SLC14A2: variants seen among roughly 807,000 people sequenced by gnomAD.
SLC14A2 encodes the protein urea transporter 2.
A neutral mutation model predicts 104.6 loss-of-function variants in SLC14A2; 91 were observed. The observed-to-expected ratio is 0.87, with a 90% CI of 0.73 to 1.04. The LOEUF (loss-of-function observed/expected upper bound fraction) is 1.04, where lower values mean the gene tolerates loss of function less well. Ranked by LOEUF, SLC14A2 falls within the 50% of genes least tolerant of loss-of-function variation. SLC14A2 has a pLI of 0.00. For missense variants in SLC14A2, 1,189 were observed against 1,156.0 expected, an observed-to-expected ratio of 1.03 and a Z score of -0.41; for synonymous variants, 476 against 466.4, an observed-to-expected ratio of 1.02 and a Z score of -0.27.
intron 2 of SLC14A2, among the ~76,000 whole-genome samples, chr18:45,551,587 G>C (rs2044057091): frequency 6.6e-6 from 1 of 152,228 alleles, no homozygotes; most frequent in South Asian, 2.1e-4. Flanking sequence ...AAGGGGAAGT[G>C]AGATGTGTCA....
chr18:45,284,091 T>C (rs1435987338), intron 1 of SLC14A2, among the ~76,000 whole-genome samples: 1 of 152,248 alleles, frequency 6.6e-6, no homozygotes, highest in African/African-American at 2.4e-5. Flanking sequence ...TAAATGTGAC[T>C]GTAAAAAATT....
chr18:45,503,752 A>G (rs2043237028), intron 2 of SLC14A2, among the ~76,000 whole-genome samples: 1 of 144,922 alleles, frequency 6.9e-6, no homozygotes, highest in Non-Finnish European at 1.5e-5. Context: ...TGGCTTAAAA[A>G]TAAATCTCTC....
At chr18:45,258,906 C>T (rs1000438455) in intron 1 of SLC14A2, among the ~76,000 whole-genome samples, 5 of 152,192 alleles carry the variant, frequency 3.3e-5, no homozygotes, top group African/African-American at 1.2e-4. Flanking sequence ...CAAATCCAGG[C>T]CTTGCACTTC....
At chr18:45,411,791 A>G (rs1359175134) in intron 1 of SLC14A2, among the ~76,000 whole-genome samples, 1 of 152,114 alleles carries the variant, frequency 6.6e-6, no homozygotes, top group Non-Finnish European at 1.5e-5. Context: ...AGGAGCAGTT[A>G]ATATGGTGGT....
intron 2 of SLC14A2, among the ~76,000 whole-genome samples, chr18:45,567,404 T>C (rs2144326287): frequency 6.6e-6 from 1 of 152,286 alleles, no homozygotes; most frequent in South Asian, 2.1e-4. Context: ...GGACCCCGAC[T>C]GATAGAGAGC....
upstream of SLC14A2, among the ~76,000 whole-genome samples, chr18:45,610,523 A>C (rs545345351): frequency 2.0e-5 from 3 of 152,192 alleles, no homozygotes; most frequent in Non-Finnish European, 4.4e-5. Context: ...CTCAGTTCTC[A>C]GGGCTTCAAG....
intron 7 of SLC14A2, 24 bp from the exon 8 acceptor site, chr18:45,641,185 G>A (rs1270373721): frequency 6.2e-7 from 1 of 1,611,678 alleles, no homozygotes; most frequent in Admixed American, 1.7e-5. Context: ...GAATCAGACA[G>A]AAATACCACA....
chr18:45,285,670 C>T (rs868462549), intron 1 of SLC14A2, among the ~76,000 whole-genome samples: 32 of 147,874 alleles, frequency 2.2e-4, no homozygotes, highest in South Asian at 8.9e-4. Flanking sequence ...TGCCCCCCCC[C>T]CCCCTCGGCC....
chr18:45,171,297 T>A, the SLC14A2 span, among the ~76,000 whole-genome samples: 5 of 152,068 alleles, frequency 3.3e-5, no homozygotes, highest in African/African-American at 1.2e-4. Context: ...GTCTAGTTTA[T>A]CCTAGGGCTT....
chr18:45,508,095 A>G (rs1178941049), intron 2 of SLC14A2, among the ~76,000 whole-genome samples: 1 of 152,238 alleles, frequency 6.6e-6, no homozygotes, highest in Non-Finnish European at 1.5e-5. Context: ...CATGCTCAAC[A>G]GAGGCATCTC....
chr18:45,544,771 A>C (rs2144866274), intron 2 of SLC14A2, among the ~76,000 whole-genome samples: 1 of 143,858 alleles, frequency 7.0e-6, no homozygotes, highest in East Asian at 2.0e-4. Flanking sequence ...TTATATATAT[A>C]TTTATCAATA....
At chr18:45,541,151 A>G (rs1265080448) in intron 2 of SLC14A2, among the ~76,000 whole-genome samples, 1 of 126,214 alleles carries the variant, frequency 7.9e-6, no homozygotes, top group Non-Finnish European at 1.9e-5. Flanking sequence ...CCCCTCAACA[A>G]CAGGATTCTT....
intron 1 of SLC14A2, among the ~76,000 whole-genome samples, chr18:45,373,804 T>C (rs922994340): frequency 6.6e-6 from 1 of 152,148 alleles, no homozygotes; most frequent in African/African-American, 2.4e-5. Flanking sequence ...TCCTCTATGC[T>C]TCGGTTCTCC....
chr18:45,574,637 C>A (rs973230179), intron 2 of SLC14A2, among the ~76,000 whole-genome samples: 1 of 152,208 alleles, frequency 6.6e-6, no homozygotes, highest in African/African-American at 2.4e-5. Context: ...CTGACATATA[C>A]CATATGGGTA....
rs2046345623 is a variant in SLC14A2, at chr18:45,683,624, A to G, written c.*1105A>G. 1 of 152,234 alleles carries G rather than the reference A, an allele frequency of 6.6e-6. No individual in the cohort carries two copies. Among genetic ancestry groups the G allele is most frequent in the African/African-American group, 2.4e-5 (1 of 41,458 alleles). The allele number at this position is 152,234 out of a possible 1,614,324, so 9.4% of individuals were successfully genotyped here. On this transcript the variant is annotated 3_prime_UTR_variant, in exon 20 of 20. Transcript: ENST00000255226. ...TTTATCAACACTCAAATCATATTAT[A>G]AACAAATGTGTTTCCCTTTGTAATA...
At chr18:45,357,913 T>G (rs1337241911) in intron 1 of SLC14A2, among the ~76,000 whole-genome samples, 3 of 152,182 alleles carry the variant, frequency 2.0e-5, no homozygotes, top group Admixed American at 1.3e-4. Flanking sequence ...TCACTCTCCT[T>G]GGAGACATGA....
intron 1 of SLC14A2, among the ~76,000 whole-genome samples, chr18:45,468,863 T>C (rs1470587119): frequency 6.6e-6 from 1 of 152,194 alleles, no homozygotes; most frequent in Non-Finnish European, 1.5e-5. Flanking sequence ...TTGTAAGATA[T>C]CAAAGATAAT....
intron 1 of SLC14A2, among the ~76,000 whole-genome samples, chr18:45,465,592 G>T (rs1057245783): frequency 1.3e-5 from 2 of 151,180 alleles, no homozygotes; most frequent in Non-Finnish European, 2.9e-5. Context: ...ATCCATGCAT[G>T]CATCCATCCA....
chr18:45,198,561 C>T, the SLC14A2 span, among the ~76,000 whole-genome samples: 1 of 152,126 alleles, frequency 6.6e-6, no homozygotes, highest in African/African-American at 2.4e-5. Context: ...TTTGTGTTCT[C>T]TATATACTTT....
Sources: allele counts gnomAD v4.1 joint callset (sites outside exome capture counted in the v4.1 genomes callset), GRCh38; gene constraint gnomAD v4.1.1; transcripts MANE v1.5; gene names NCBI Gene and HGNC (gene_info 2026-07-23, HGNC 2026-07-21).